Variants in DCLK2 observed in about 807,000 individuals in gnomAD.
The protein encoded by DCLK2 is doublecortin like kinase 2.
A neutral mutation model predicts 78.4 loss-of-function variants in DCLK2; 31 were observed. The observed-to-expected ratio is 0.40, with a 90% CI of 0.30 to 0.53. The LOEUF is 0.53. DCLK2 is among the 20% of genes least tolerant of loss of function. The pLI, the probability that DCLK2 is intolerant of heterozygous loss-of-function variation, is 0.61. For missense variants in DCLK2, 872 were observed against 973.7 expected, an observed-to-expected ratio of 0.90 and a Z score of 1.39; for synonymous variants, 407 against 374.9, an observed-to-expected ratio of 1.09 and a Z score of -0.99.
intron 2 of DCLK2, among the ~76,000 whole-genome samples, chr4:150,140,001 C>T (rs1404344771): frequency 6.6e-6 from 1 of 152,108 alleles, no homozygotes; most frequent in Non-Finnish European, 1.5e-5. Context: ...TAGAGCTTAG[C>T]CTCATACAGT....
chr4:150,186,308 A>G (rs1737930807), intron 2 of DCLK2, among the ~76,000 whole-genome samples: 2 of 152,338 alleles, frequency 1.3e-5, no homozygotes, highest in South Asian at 4.1e-4. Flanking sequence ...TGGTAAAAGG[A>G]ACATACAGAT....
chr4:150,129,767 A>G (rs891247745), intron 2 of DCLK2, among the ~76,000 whole-genome samples: 1 of 151,664 alleles, frequency 6.6e-6, no homozygotes, highest in African/African-American at 2.4e-5. Context: ...TTAAAATATT[A>G]TATTAAAATG....
At chr4:150,232,616 CA>C in intron 9 of DCLK2, 65 bp from the exon 10 acceptor site, 1 of 1,558,450 alleles carries the variant, frequency 6.4e-7, no homozygotes, top group Non-Finnish European at 8.8e-7. Context: ...GCCAATGAGC[CA>C]TCTTTCTTAC....
At chr4:150,219,331 C>G (rs1275152265) in intron 5 of DCLK2, among the ~76,000 whole-genome samples, 1 of 133,648 alleles carries the variant, frequency 7.5e-6, no homozygotes, top group Non-Finnish European at 1.5e-5. Flanking sequence ...CACAGTGGTA[C>G]GATCTCAGCT....
chr4:150,223,163 C>A (rs1325052778), intron 7 of DCLK2, among the ~76,000 whole-genome samples: 1 of 152,192 alleles, frequency 6.6e-6, no homozygotes, highest in African/African-American at 2.4e-5. Context: ...TTCTTATACA[C>A]AGACTGCCAC....
At chr4:150,175,098 A>T (rs1400763316) in intron 2 of DCLK2, among the ~76,000 whole-genome samples, 8 of 96,556 alleles carry the variant, frequency 8.3e-5, no homozygotes, top group Non-Finnish European at 7.6e-5. Context: ...ATATATTTAT[A>T]TATATTTATA....
intron 2 of DCLK2, among the ~76,000 whole-genome samples, chr4:150,156,596 G>A (rs968771860): frequency 6.6e-5 from 10 of 151,812 alleles, no homozygotes; most frequent in African/African-American, 2.4e-4. Context: ...GTTAAGCCCC[G>A]AGGTTGAGGC....
intron 2 of DCLK2, among the ~76,000 whole-genome samples, chr4:150,158,009 GA>G (rs1281145522): frequency 6.6e-6 from 1 of 152,182 alleles, no homozygotes; most frequent in African/African-American, 2.4e-5. Flanking sequence ...TAATATCTAC[GA>G]TGTTTAGCTC....
intron 2 of DCLK2, among the ~76,000 whole-genome samples, chr4:150,168,480 G>A (rs1736269896): frequency 2.0e-5 from 3 of 152,002 alleles, no homozygotes; most frequent in Admixed American, 2.0e-4. Flanking sequence ...TTTCACTCCT[G>A]CTCCAAAACT....
At chr4:150,110,194 T>C (rs986991462) in intron 2 of DCLK2, among the ~76,000 whole-genome samples, 5 of 152,216 alleles carry the variant, frequency 3.3e-5, no homozygotes, top group African/African-American at 9.6e-5. Flanking sequence ...ATGACATCAC[T>C]GCAAACTCTC....
At chr4:150,202,438 G>A (rs767407402) in intron 4 of DCLK2, among the ~76,000 whole-genome samples, 18 of 152,204 alleles carry the variant, frequency 1.2e-4, no homozygotes, top group South Asian at 8.3e-4. Context: ...AAAAGTTTTC[G>A]TTTTTACTGA....
intron 2 of DCLK2, among the ~76,000 whole-genome samples, chr4:150,107,378 G>GTTT (rs201080236): frequency 0.038 from 4,706 of 125,028 alleles, 289 homozygotes; most frequent in African/African-American, 0.077. Flanking sequence ...TTTGGTTATT[G>GTTT]TTTTTTTTTT....
chr4:150,250,789 G>T (rs887084207), intron 15 of DCLK2, among the ~76,000 whole-genome samples: 4 of 151,054 alleles, frequency 2.6e-5, no homozygotes, highest in African/African-American at 9.8e-5. Flanking sequence ...GGTTGTCTGA[G>T]AGCCTTACCT....
At chr4:150,210,822 C>T (rs1740243990) in intron 5 of DCLK2, among the ~76,000 whole-genome samples, 1 of 148,998 alleles carries the variant, frequency 6.7e-6, no homozygotes, top group South Asian at 2.1e-4. Context: ...GTGGCATGTG[C>T]CCATAGTCCC....
At chr4:150,089,686 A>T (rs768852635) in intron 1 of DCLK2, among the ~76,000 whole-genome samples, 40 of 152,258 alleles carry the variant, frequency 2.6e-4, no homozygotes, top group Non-Finnish European at 5.1e-4. Flanking sequence ...AGGTATGCTT[A>T]TGTATATAGG....
chr4:150,161,465 C>G (rs763960551), intron 2 of DCLK2, among the ~76,000 whole-genome samples: 65 of 151,840 alleles, frequency 4.3e-4, no homozygotes, highest in Non-Finnish European at 5.9e-4. Context: ...TTTTTGGTTC[C>G]CAGAGGTCTA....
chr4:150,253,974 T>C (rs1744372646), intron 15 of DCLK2: 1 of 907,850 alleles, frequency 1.1e-6, no homozygotes, highest in Non-Finnish European at 1.3e-6. Context: ...TAAGAGAAGA[T>C]AATTTAATGG....
intron 1 of DCLK2, among the ~76,000 whole-genome samples, chr4:150,090,568 G>C (rs1042208688): frequency 8.3e-6 from 1 of 120,684 alleles, no homozygotes; most frequent in Non-Finnish European, 2.0e-5. Flanking sequence ...TCCTACCCAG[G>C]AGATTAGATA....
At chr4:150,114,142 A>G (rs1207645867) in intron 2 of DCLK2, among the ~76,000 whole-genome samples, 1 of 152,124 alleles carries the variant, frequency 6.6e-6, no homozygotes, top group Non-Finnish European at 1.5e-5. Flanking sequence ...TTAATTTATT[A>G]AGATTTGTTT....
Sources: allele counts gnomAD v4.1 joint callset (sites outside exome capture counted in the v4.1 genomes callset), GRCh38; gene constraint gnomAD v4.1.1; transcripts MANE v1.5; gene names NCBI Gene and HGNC (gene_info 2026-07-23, HGNC 2026-07-21).